The following CEP85L variants were observed in gnomAD, a reference collection of about 807,000 sequenced individuals.
CEP85L encodes the protein centrosomal protein 85L.
Under a neutral mutation model 100.3 loss-of-function variants are expected in CEP85L, and 60 were observed. That is an observed-to-expected ratio of 0.60 (90% CI 0.49 to 0.74). CEP85L has a LOEUF of 0.74. Among genes scored for constraint, CEP85L ranks in the 30% least tolerant of loss-of-function variants. The pLI is 0.00. For missense variants in CEP85L, 973 were observed against 936.2 expected (o/e 1.04, Z -0.51); for synonymous variants, 319 against 322.7 (o/e 0.99, Z 0.12).
chr6:118,567,261 A>G (rs1562268738), intron 2 of CEP85L, among the ~76,000 whole-genome samples: 2 of 73,966 alleles, frequency 2.7e-5, no homozygotes, highest in African/African-American at 4.4e-5. Flanking sequence ...ATATATATAT[A>G]TATATATATA....
intron 5 of CEP85L, among the ~76,000 whole-genome samples, chr6:118,510,375 A>G (rs1036006575): frequency 4.0e-5 from 6 of 151,744 alleles, no homozygotes; most frequent in African/African-American, 1.5e-4. Flanking sequence ...GGCTCCAAAA[A>G]ACAATAAGCA....
intron 1 of CEP85L, among the ~76,000 whole-genome samples, chr6:118,665,803 TG>T (rs1350954872): frequency 6.6e-6 from 1 of 152,210 alleles, no homozygotes; most frequent in Non-Finnish European, 1.5e-5. Context: ...TCTCACACAC[TG>T]GTGAGAAATT....
chr6:118,589,842 T>G (rs367594753), intron 2 of CEP85L, among the ~76,000 whole-genome samples: 6 of 152,224 alleles, frequency 3.9e-5, no homozygotes, highest in African/African-American at 1.2e-4. Context: ...TTTCTTACAG[T>G]GTGCCATCCT....
chr6:118,494,687 TC>T (rs540426008), intron 5 of CEP85L, among the ~76,000 whole-genome samples: 5 of 152,154 alleles, frequency 3.3e-5, no homozygotes, highest in South Asian at 4.1e-4. Context: ...ATAGAATACT[TC>T]CCCTTCCCTG....
At chr6:118,681,615 G>A (rs1370028648) in intron 1 of CEP85L, among the ~76,000 whole-genome samples, 2 of 151,776 alleles carry the variant, frequency 1.3e-5, no homozygotes, top group Non-Finnish European at 1.5e-5. Flanking sequence ...GACTTCCCTC[G>A]AAATTTTCCT....
chr6:118,549,047 AAATTC>A (rs1486873663), intron 3 of CEP85L, among the ~76,000 whole-genome samples: 1 of 152,054 alleles, frequency 6.6e-6, no homozygotes, highest in Non-Finnish European at 1.5e-5. Flanking sequence ...TACTGATATT[AAATTC>A]AATATTGTAT....
At chr6:118,545,296 C>T (rs1224216727) in intron 3 of CEP85L, among the ~76,000 whole-genome samples, 1 of 152,074 alleles carries the variant, frequency 6.6e-6, no homozygotes, top group Non-Finnish European at 1.5e-5. Flanking sequence ...CTTCACAAAA[C>T]GTTAGTAATA....
At chr6:118,472,707 C>T (rs920694120) in intron 10 of CEP85L, among the ~76,000 whole-genome samples, 18 of 152,044 alleles carry the variant, frequency 1.2e-4, no homozygotes, top group African/African-American at 2.7e-4. Context: ...TTTTCTGAAA[C>T]GAGTGTTTGG....
chr6:118,567,245 GTGTGTATA>G (rs1428077832), intron 2 of CEP85L, among the ~76,000 whole-genome samples: 14 of 31,632 alleles, frequency 4.4e-4, no homozygotes, highest in Admixed American at 2.2e-3. Context: ...GTGTGTGTGT[GTGTGTATA>G]TATATATATA....
At chr6:118,523,139 T>C (rs959375846) in intron 4 of CEP85L, among the ~76,000 whole-genome samples, 5 of 152,186 alleles carry the variant, frequency 3.3e-5, no homozygotes, top group African/African-American at 1.2e-4. Context: ...TGCTTCCCAA[T>C]TATCATGATA....
At chr6:118,707,947 T>C (rs1376131598) in intron 1 of CEP85L, among the ~76,000 whole-genome samples, 4 of 121,978 alleles carry the variant, frequency 3.3e-5, no homozygotes, top group Non-Finnish European at 6.2e-5. Flanking sequence ...CTGGTAGAAA[T>C]ATGGGAGAAA....
At chr6:118,608,908 A>G (rs1390016997) in intron 2 of CEP85L, among the ~76,000 whole-genome samples, 1 of 152,170 alleles carries the variant, frequency 6.6e-6, no homozygotes, top group Non-Finnish European at 1.5e-5. Flanking sequence ...ACACAGAAAA[A>G]AGGCCCCCAT....
At position 118,566,188 on chromosome 6, in the gene CEP85L, C is replaced by G. The variant is rs767185741; in HGVS notation, c.361G>C (p.Asp121His). Residue 121 changes from aspartate (D) to histidine (H), a missense_variant, in exon 3 of 13, where the codon GAT becomes CAT. Coordinates refer to ENST00000368491, the MANE Select transcript of CEP85L (RefSeq NM_001042475.3). ...ISKLRESLTP[D>H]GSKWSTSLMQ... ...AGGCTTGTACTCCATTTTGAGCCAT[C>G]TGGTGTCAATGATTCCCTAAGTTTG... The G allele has an allele frequency of 2.0e-5, 33 of 1,613,988 alleles. No individual in the cohort carries two copies. The South Asian group carries it at 3.0e-4, about 14-fold the overall frequency.
chr6:118,502,672 G>A (rs57182451), intron 5 of CEP85L: 5,213 of 465,532 alleles, frequency 0.011, 237 homozygotes, highest in African/African-American at 0.093. Context: ...CCAGCTCAAT[G>A]AGCATTTGAA....
intron 1 of CEP85L, among the ~76,000 whole-genome samples, chr6:118,640,475 A>G (rs1774791380): frequency 6.6e-6 from 1 of 152,188 alleles, no homozygotes; most frequent in South Asian, 2.1e-4. Flanking sequence ...ATTATAGAAT[A>G]GTACCTATAT....
At chr6:118,646,094 G>A (rs372628852) in intron 1 of CEP85L, among the ~76,000 whole-genome samples, 32 of 152,230 alleles carry the variant, frequency 2.1e-4, no homozygotes, top group African/African-American at 6.3e-4. Context: ...GCACACGCCC[G>A]TAGTCCCAGC....
At chr6:118,597,753 T>C (rs749265574) in intron 2 of CEP85L, among the ~76,000 whole-genome samples, 2 of 152,168 alleles carry the variant, frequency 1.3e-5, no homozygotes, top group Non-Finnish European at 2.9e-5. Flanking sequence ...ACGACTATAG[T>C]CATCTATTCA....
At chr6:118,642,833 G>A (rs564092489) in intron 1 of CEP85L, among the ~76,000 whole-genome samples, 4 of 152,092 alleles carry the variant, frequency 2.6e-5, no homozygotes, top group Admixed American at 1.3e-4. Context: ...GGAGGTTGCA[G>A]TGAGCCGAGA....
intron 1 of CEP85L, among the ~76,000 whole-genome samples, chr6:118,702,995 CAA>C (rs34426942): frequency 2.6e-3 from 248 of 93,658 alleles, no homozygotes; most frequent in Admixed American, 4.6e-3. Context: ...GACTCTGTCT[CAA>C]AAAAAAAAAA....
Sources: allele counts gnomAD v4.1 joint callset (sites outside exome capture counted in the v4.1 genomes callset), GRCh38; gene constraint gnomAD v4.1.1; transcripts MANE v1.5; gene names NCBI Gene and HGNC (gene_info 2026-07-23, HGNC 2026-07-21).